KCNT2: variants seen among roughly 807,000 people sequenced by gnomAD.
The protein encoded by KCNT2 is potassium sodium-activated channel subfamily T member 2.
KCNT2 carries 67 observed loss-of-function variants against 153.8 expected under a neutral mutation model. The ratio of observed to expected loss-of-function variants is 0.44; its 90% CI spans 0.36 to 0.53. KCNT2 has a LOEUF of 0.53. Ranked by LOEUF, KCNT2 falls within the 20% of genes least tolerant of loss-of-function variation. The probability of loss-of-function intolerance (pLI) is 0.00; values close to 1 mark genes in which losing one functional copy is unlikely to be tolerated. For missense variants in KCNT2, 975 were observed against 1,354.8 expected, an observed-to-expected ratio of 0.72 and a Z score of 4.40; for synonymous variants, 500 against 458.8, an observed-to-expected ratio of 1.09 and a Z score of -1.15.
intron 1 of KCNT2, among the ~76,000 whole-genome samples, chr1:196,569,804 C>A (rs192134097): frequency 6.6e-6 from 1 of 152,020 alleles, no homozygotes; most frequent in Non-Finnish European, 1.5e-5. Context: ...GGTTTATGTT[C>A]GCCCAAATTG....
intron 19 of KCNT2, among the ~76,000 whole-genome samples, chr1:196,320,671 A>G (rs1663209112): frequency 6.6e-6 from 1 of 151,158 alleles, no homozygotes; most frequent in Non-Finnish European, 1.5e-5. Context: ...AGCTCTTTAC[A>G]CTCTGAAGAA....
At chr1:196,466,091 G>T (rs910403232) in intron 7 of KCNT2, among the ~76,000 whole-genome samples, 2 of 151,954 alleles carry the variant, frequency 1.3e-5, no homozygotes, top group African/African-American at 4.8e-5. Flanking sequence ...GGCGAAAAGA[G>T]ATATGGAAAT....
In KCNT2 at chr1:196,478,770, T is replaced by C. The variant is rs556542187; in HGVS notation, c.384+409A>G. ...AGCTCTCCATTAAATAGGAGCTCAA[T>C]AAATACTTGTTAAATCATGTTAGCC... On this transcript the variant is annotated intron_variant, in intron 5 of 27. Transcript: ENST00000294725. Among the ~76,000 whole-genome samples the C allele has an allele frequency of 1.9e-4, 29 of 152,258 alleles. 1 individual carries two copies. In the East Asian group the frequency reaches 5.4e-3, roughly 28 times the overall value.
intron 14 of KCNT2, among the ~76,000 whole-genome samples, chr1:196,369,190 G>C (rs1341291351): frequency 6.6e-6 from 1 of 152,092 alleles, no homozygotes; most frequent in Non-Finnish European, 1.5e-5. Flanking sequence ...TTCTGATAAA[G>C]CTGAAATGTA....
At chr1:196,303,028 A>T (rs1353362570) in intron 22 of KCNT2, among the ~76,000 whole-genome samples, 2 of 151,174 alleles carry the variant, frequency 1.3e-5, no homozygotes, top group South Asian at 2.1e-4. Flanking sequence ...AAAAAAAAAA[A>T]TACCCTGATG....
intron 1 of KCNT2, among the ~76,000 whole-genome samples, chr1:196,505,873 G>T (rs933379546): frequency 6.6e-6 from 1 of 152,084 alleles, no homozygotes; most frequent in Admixed American, 6.6e-5. Flanking sequence ...ACTCATGATT[G>T]GTTCTCTGTT....
In KCNT2 at chr1:196,549,532, C is replaced by G. The variant is rs115286298; in HGVS notation, c.96-57191G>C. On this transcript the variant is annotated intron_variant, in intron 1 of 27. Coordinates refer to ENST00000294725, the MANE Select transcript of KCNT2 (RefSeq NM_198503.5). ...CATTTCATCTCTGGTCGGCTTGTGA[C>G]TTAAGTTAAATCCTTCCAAAATTCT... Among the ~76,000 whole-genome samples the G allele has an allele frequency of 1.6e-3, 247 of 151,934 alleles. 1 individual carries two copies. The highest frequency in any genetic ancestry group is 5.8e-3 in the African/African-American group (241 of 41,508).
chr1:196,436,170 A>G (rs1447558565), intron 8 of KCNT2, among the ~76,000 whole-genome samples: 1 of 151,270 alleles, frequency 6.6e-6, no homozygotes, highest in Admixed American at 6.6e-5. Flanking sequence ...TAGAGTACCT[A>G]TATACAACAT....
At chr1:196,330,898 G>A (rs1242436035) in intron 18 of KCNT2, among the ~76,000 whole-genome samples, 1 of 151,860 alleles carries the variant, frequency 6.6e-6, no homozygotes, top group Non-Finnish European at 1.5e-5. Context: ...ATGAGATTTG[G>A]TACCTTATTT....
chr1:196,563,932 TG>T (rs1659758445), intron 1 of KCNT2, among the ~76,000 whole-genome samples: 1 of 151,974 alleles, frequency 6.6e-6, no homozygotes, highest in Non-Finnish European at 1.5e-5. Context: ...GAAAGTTTCT[TG>T]TCTCAAATCA....
intron 6 of KCNT2, among the ~76,000 whole-genome samples, chr1:196,468,581 C>G (rs1296927368): frequency 6.6e-6 from 1 of 151,878 alleles, no homozygotes; most frequent in Admixed American, 6.6e-5. Context: ...AAAAACAGAA[C>G]TAGACTTAAT....
intron 12 of KCNT2, among the ~76,000 whole-genome samples, chr1:196,403,968 T>C (rs999452850): frequency 4.0e-5 from 6 of 151,680 alleles, no homozygotes; most frequent in African/African-American, 1.5e-4. Context: ...TGTAGACCAC[T>C]GGCTCCCTAA....
intron 12 of KCNT2, among the ~76,000 whole-genome samples, chr1:196,412,486 C>G (rs143355481): frequency 6.7e-6 from 1 of 149,280 alleles, no homozygotes; most frequent in East Asian, 2.0e-4. Flanking sequence ...GTATAAAATA[C>G]TATGTGCAAT....
intron 1 of KCNT2, among the ~76,000 whole-genome samples, chr1:196,526,264 C>T (rs2148835444): frequency 6.6e-6 from 1 of 151,324 alleles, no homozygotes; most frequent in South Asian, 2.1e-4. Context: ...TATATATAAA[C>T]ATACATACAA....
intron 1 of KCNT2, among the ~76,000 whole-genome samples, chr1:196,533,808 T>A (rs910485542): frequency 2.6e-5 from 4 of 152,014 alleles, no homozygotes; most frequent in Admixed American, 2.6e-4. Context: ...AAAATAAATT[T>A]AAAAAAAATA....
At chr1:196,339,153 G>C (rs1432441672) in intron 16 of KCNT2, among the ~76,000 whole-genome samples, 1 of 151,864 alleles carries the variant, frequency 6.6e-6, no homozygotes, top group African/African-American at 2.4e-5. Context: ...TCAGTTTACG[G>C]ACAATAGAAT....
At chr1:196,300,591 G>C (rs1056229830) in intron 22 of KCNT2, among the ~76,000 whole-genome samples, 2 of 152,034 alleles carry the variant, frequency 1.3e-5, no homozygotes, top group African/African-American at 2.4e-5. Context: ...CTGAAAAATA[G>C]GCCTTGCTAA....
At chr1:196,550,782 GA>G (rs1306606343) in intron 1 of KCNT2, among the ~76,000 whole-genome samples, 1 of 151,666 alleles carries the variant, frequency 6.6e-6, no homozygotes, top group African/African-American at 2.4e-5. Flanking sequence ...TCTATTCTCT[GA>G]ACCAAAGGCT....
rs192507157 is a variant in KCNT2, at chr1:196,588,026, A to G, written c.95+20189T>C. 1.4e-3 allele frequency among the ~76,000 whole-genome samples: 208 copies of G among 152,192 alleles called. 1 individual carries two copies. The highest frequency in any genetic ancestry group is 4.4e-3 in the African/African-American group (183 of 41,568). ...AGTGTGGAAAAATTACAATAATCAT[A>G]ATCAATACTTTGAAAAACCTTTTCT... On this transcript the variant is annotated intron_variant, in intron 1 of 27. Coordinates refer to ENST00000294725, the MANE Select transcript of KCNT2 (RefSeq NM_198503.5).
Sources: gnomAD v4.1 joint callset for allele counts (sites outside exome capture counted in the v4.1 genomes callset) on GRCh38, gnomAD v4.1.1 for gene constraint, MANE v1.5 for transcripts, NCBI Gene and HGNC (gene_info 2026-07-23, HGNC 2026-07-21) for gene names.